Variants in TAFA1 observed in about 807,000 individuals in gnomAD.
TAFA1 encodes chemokine-like protein TAFA-1.
TAFA1 carries 4 observed loss-of-function variants against 18.5 expected under a neutral mutation model. The ratio of observed to expected loss-of-function variants is 0.22; its 90% CI spans 0.11 to 0.49. The LOEUF is 0.49. Ranked by LOEUF, TAFA1 falls within the 20% of genes least tolerant of loss-of-function variation. The probability of loss-of-function intolerance (pLI) is 0.98; values close to 1 mark genes in which losing one functional copy is unlikely to be tolerated. For synonymous variants in TAFA1, 56 were observed against 55.2 expected (o/e 1.01, Z -0.06); for missense variants, 147 against 169.0 (o/e 0.87, Z 0.72).
chr3:68,393,979 C>T (rs900708449), intron 2 of TAFA1, among the ~76,000 whole-genome samples: 1 of 152,194 alleles, frequency 6.6e-6, no homozygotes, highest in Non-Finnish European at 1.5e-5. Context: ...TCTCTCACCA[C>T]TCCTATTCAA....
intron 2 of TAFA1, among the ~76,000 whole-genome samples, chr3:68,225,201 C>G (rs1183687368): frequency 6.6e-6 from 1 of 152,020 alleles, no homozygotes; most frequent in Non-Finnish European, 1.5e-5. Context: ...AGCCACCACA[C>G]CTGGCTGGCT....
chr3:68,336,886 G>C (rs1559623191), intron 2 of TAFA1, among the ~76,000 whole-genome samples: 1 of 152,102 alleles, frequency 6.6e-6, no homozygotes, highest in Non-Finnish European at 1.5e-5. Context: ...ACCATGCCTA[G>C]CTAATTTTCT....
In TAFA1 at chr3:68,276,978, A is replaced by G. The variant is rs577188123; in HGVS notation, c.119-140302A>G. 7.2e-5 allele frequency among the ~76,000 whole-genome samples: 11 copies of G among 152,300 alleles called. No homozygotes were observed. The East Asian group carries it at 2.1e-3, about 29-fold the overall frequency. ...ATAGTCAAGTATACAAGAGGAAATT[A>G]AAATCATCTATAATCCCACAATTGA... is the stretch of plus-strand genomic sequence containing the variant. On this transcript the variant is annotated intron_variant, in intron 2 of 4. Transcript: ENST00000478136.
intron 2 of TAFA1, among the ~76,000 whole-genome samples, chr3:68,292,780 G>A (rs75967895): frequency 0.022 from 3,420 of 152,156 alleles, 126 homozygotes; most frequent in African/African-American, 0.078. Flanking sequence ...TGGCTTCCAA[G>A]GATCCTCCTG....
At chr3:68,167,853 G>A (rs1029698336) in intron 2 of TAFA1, among the ~76,000 whole-genome samples, 1 of 152,062 alleles carries the variant, frequency 6.6e-6, no homozygotes, top group African/African-American at 2.4e-5. Flanking sequence ...ACTCCAGCCT[G>A]TGCAACAGAG....
chr3:68,352,421 G>A (rs1252089665), intron 2 of TAFA1, among the ~76,000 whole-genome samples: 1 of 152,008 alleles, frequency 6.6e-6, no homozygotes, highest in Admixed American at 6.6e-5. Context: ...GGCAAAGAAA[G>A]TAGTTTTAGG....
intron 2 of TAFA1, among the ~76,000 whole-genome samples, chr3:68,176,671 T>C (rs1189503990): frequency 6.6e-6 from 1 of 152,258 alleles, no homozygotes; most frequent in Non-Finnish European, 1.5e-5. Flanking sequence ...ACCACTTCTC[T>C]ATTCCCACTA....
At chr3:68,034,983 A>T (rs1705014825) in intron 2 of TAFA1, among the ~76,000 whole-genome samples, 1 of 152,166 alleles carries the variant, frequency 6.6e-6, no homozygotes, top group Non-Finnish European at 1.5e-5. Flanking sequence ...TTCCACCTGA[A>T]GATCCTGGCT....
intron 3 of TAFA1, among the ~76,000 whole-genome samples, chr3:68,536,709 A>AT (rs2073283790): frequency 2.6e-5 from 4 of 152,178 alleles, no homozygotes; most frequent in Admixed American, 2.6e-4. Context: ...GTTTTATAAA[A>AT]TTTTGTTATC....
intron 2 of TAFA1, among the ~76,000 whole-genome samples, chr3:68,206,073 G>A (rs1397921487): frequency 6.6e-6 from 1 of 151,522 alleles, no homozygotes; most frequent in African/African-American, 2.4e-5. Flanking sequence ...TTCTTTTTTT[G>A]TGTGCTTCAT....
At chr3:68,134,958 A>G (rs139016690) in intron 2 of TAFA1, among the ~76,000 whole-genome samples, 2,222 of 152,288 alleles carry the variant, frequency 0.015, 34 homozygotes, top group Middle Eastern at 0.041. Flanking sequence ...TGATGCTTGA[A>G]CTTCAAGCAC....
intron 2 of TAFA1, among the ~76,000 whole-genome samples, chr3:68,097,656 A>G (rs1050012454): frequency 3.9e-5 from 6 of 152,166 alleles, no homozygotes; most frequent in African/African-American, 1.4e-4. Flanking sequence ...GCAGAGGGGT[A>G]AGGCAGGATA....
intron 2 of TAFA1, among the ~76,000 whole-genome samples, chr3:68,110,571 A>G (rs979456791): frequency 2.0e-5 from 3 of 152,158 alleles, no homozygotes; most frequent in Admixed American, 6.5e-5. Flanking sequence ...AATTTTAAAC[A>G]TTTGTTTAGT....
At chr3:68,045,217 C>T (rs1199141136) in intron 2 of TAFA1, among the ~76,000 whole-genome samples, 2 of 151,984 alleles carry the variant, frequency 1.3e-5, no homozygotes, top group African/African-American at 4.8e-5. Flanking sequence ...GGCAGAGGAG[C>T]AATAGGGGAA....
At chr3:68,211,052 G>A (rs79128982) in intron 2 of TAFA1, among the ~76,000 whole-genome samples, 14,491 of 152,026 alleles carry the variant, frequency 0.095, 1,004 homozygotes, top group Admixed American at 0.19. Context: ...GGCTGCTAGA[G>A]TCTCTTCACA....
At chr3:68,113,818 T>C (rs1272243517) in intron 2 of TAFA1, among the ~76,000 whole-genome samples, 1 of 150,930 alleles carries the variant, frequency 6.6e-6, no homozygotes, top group Non-Finnish European at 1.5e-5. Flanking sequence ...CATCAAAAGG[T>C]AGAGTCTTGT....
chr3:68,193,083 C>G (rs1230600886), intron 2 of TAFA1, among the ~76,000 whole-genome samples: 1 of 151,680 alleles, frequency 6.6e-6, no homozygotes, highest in African/African-American at 2.4e-5. Flanking sequence ...AAAAAAATCA[C>G]TGAAGTGTTT....
chr3:68,380,080 C>A (rs906726963), intron 2 of TAFA1, among the ~76,000 whole-genome samples: 2 of 152,100 alleles, frequency 1.3e-5, no homozygotes, highest in African/African-American at 4.8e-5. Context: ...ATCCATGTCC[C>A]TACAAAGGAC....
At chr3:68,258,354 G>T (rs560120451) in intron 2 of TAFA1, among the ~76,000 whole-genome samples, 2 of 152,188 alleles carry the variant, frequency 1.3e-5, no homozygotes, top group East Asian at 3.8e-4. Context: ...CGTGGTTGAT[G>T]TATTCAAGTT....
Sources: gnomAD v4.1 joint callset for allele counts (sites outside exome capture counted in the v4.1 genomes callset) on GRCh38, gnomAD v4.1.1 for gene constraint, MANE v1.5 for transcripts, NCBI Gene and HGNC (gene_info 2026-07-23, HGNC 2026-07-21) for gene names.